HDAC4: variants seen among roughly 807,000 people sequenced by gnomAD.
The protein encoded by HDAC4 is histone deacetylase A.
HDAC4 carries 16 observed loss-of-function variants against 135.1 expected under a neutral mutation model. That is an observed-to-expected ratio of 0.12 (90% CI 0.08 to 0.18). The LOEUF (loss-of-function observed/expected upper bound fraction) is 0.18, where lower values mean the gene tolerates loss of function less well. Among genes scored for constraint, HDAC4 ranks in the 10% least tolerant of loss-of-function variants. HDAC4 has a pLI of 1.00. For synonymous variants in HDAC4, 685 were observed against 653.4 expected (o/e 1.05, Z -0.74); for missense variants, 1,143 against 1,511.8 (o/e 0.76, Z 4.05).
At chr2:239,388,471 C>G (rs907324896) in intron 1 of HDAC4, among the ~76,000 whole-genome samples, 1 of 152,242 alleles carries the variant, frequency 6.6e-6, no homozygotes, top group African/African-American at 2.4e-5. Context: ...CTGCATGGGA[C>G]AGATGAGCCA....
chr2:239,112,559 G>C (rs539719643), intron 13 of HDAC4, among the ~76,000 whole-genome samples: 1 of 152,304 alleles, frequency 6.6e-6, no homozygotes, highest in East Asian at 1.9e-4. Flanking sequence ...TGTGTGTGGG[G>C]GGGGCACTCA....
intron 1 of HDAC4, among the ~76,000 whole-genome samples, chr2:239,381,725 C>T (rs1695430744): frequency 1.3e-5 from 2 of 152,166 alleles, no homozygotes; most frequent in Admixed American, 1.3e-4. Context: ...ATTCATTGTC[C>T]CATGTGCTGT....
At chr2:239,255,681 G>T (rs2049014049) in intron 2 of HDAC4, among the ~76,000 whole-genome samples, 1 of 152,156 alleles carries the variant, frequency 6.6e-6, no homozygotes, top group Non-Finnish European at 1.5e-5. Flanking sequence ...ATGGTCTAGT[G>T]TGAGTAACTC....
intron 3 of HDAC4, among the ~76,000 whole-genome samples, chr2:239,213,988 C>T (rs1310068127): frequency 6.6e-6 from 1 of 152,252 alleles, no homozygotes; most frequent in East Asian, 1.9e-4. Context: ...GAGTGAAAAG[C>T]TGAGTCTGGC....
rs147094687 is a variant in HDAC4, at chr2:239,151,638, G to A, written c.733+5014C>T. Among the ~76,000 whole-genome samples, 691 of 152,336 alleles carry A rather than the reference G, an allele frequency of 4.5e-3. 4 individuals carry two copies. The highest frequency in any genetic ancestry group is 0.034 in the Middle Eastern group (10 of 294). ...TCCATACAGGGGCCAACAGAATTCG[G>A]TCCCTAGGACCAGCCCAGCCTCCTC... is the stretch of plus-strand genomic sequence containing the variant. On this transcript the variant is annotated intron_variant, in intron 7 of 26. Coordinates refer to ENST00000543185, the MANE Select transcript of HDAC4 (RefSeq NM_001378414.1).
At chr2:239,102,980 A>T in intron 15 of HDAC4, 84 bp from the exon 16 acceptor site, 1 of 1,557,878 alleles carries the variant, frequency 6.4e-7, no homozygotes. Context: ...AACTGAAACC[A>T]TTGCCCAAAA....
At position 239,087,069 on chromosome 2, in the gene HDAC4, CT is replaced by C. The variant is rs1454162633; in HGVS notation, c.2444+489del. ...CTCGCCACCCTGCCCAGATCCTCAG[CT>C]GTATGGACCGTCGGCAGTCTCTGAA... On this transcript the variant is annotated intron_variant, in intron 19 of 26. Coordinates refer to ENST00000543185, the MANE Select transcript of HDAC4 (RefSeq NM_001378414.1). Among the ~76,000 whole-genome samples, 3 of 152,312 alleles carry C rather than the reference CT, an allele frequency of 2.0e-5. No homozygotes were observed. In the East Asian group the frequency reaches 5.8e-4, roughly 29 times the overall value.
chr2:239,326,169 T>C (rs997273268), intron 2 of HDAC4, among the ~76,000 whole-genome samples: 8 of 151,914 alleles, frequency 5.3e-5, no homozygotes, highest in Admixed American at 5.2e-4. Flanking sequence ...ATGCACACAA[T>C]GGACTGCTCA....
At chr2:239,335,983 T>G (rs1157348559) in intron 2 of HDAC4, among the ~76,000 whole-genome samples, 2 of 152,192 alleles carry the variant, frequency 1.3e-5, no homozygotes, top group African/African-American at 4.8e-5. Context: ...CACCAAAATG[T>G]CATCAGCAAT....
rs371369219 is a variant in HDAC4 at position 239,053,467 on chromosome 2, C to G, written c.3223G>C (p.Glu1075Gln). Residue 1075 changes from glutamate to glutamine, a missense_variant, in exon 26 of 27, where the codon GAA becomes CAA. Physicochemically the swap from Glu to Gln is conservative, Grantham distance 29. Transcript: ENST00000543185. ...GGCAGGGCAGGTGCTCACCTCTTTT[C>G]GGCGGGCTTCACGCCCACGGACAGC... ...ASLSVGVKPAEKRPDEEPMEE... is the reference protein window; with the variant it reads ...ASLSVGVKPAQKRPDEEPMEE... 1.2e-6 allele frequency: 2 copies of G among 1,612,852 alleles called. No individual in the cohort carries two copies. The highest frequency in any genetic ancestry group is 3.3e-5 in the Admixed American group (2 of 59,980).
intron 17 of HDAC4, among the ~76,000 whole-genome samples, chr2:239,093,238 C>G (rs993174232): frequency 6.6e-6 from 1 of 152,198 alleles, no homozygotes; most frequent in Non-Finnish European, 1.5e-5. Flanking sequence ...GTGAGTTTTC[C>G]GTGTTCCAAG....
In HDAC4 at chr2:239,271,124, G is replaced by GT. The variant is rs914566521; in HGVS notation, c.23-34461dup. Among the ~76,000 whole-genome samples, 6 of 152,078 alleles carry GT rather than the reference G, an allele frequency of 3.9e-5. No homozygotes were observed. The South Asian group carries it at 8.3e-4, about 21-fold the overall frequency. On this transcript the variant is annotated intron_variant, in intron 2 of 26. Transcript: ENST00000543185. Reference sequence around the variant, plus strand: ...GTTGGGGCTTAGTATGTTTTTTGGTGTTTTTTGAGACAGGGTCTTGCTCCG... The same window carrying GT: ...GTTGGGGCTTAGTATGTTTTTTGGTGTTTTTTTGAGACAGGGTCTTGCTCCG...
rs973887429 is a variant in HDAC4 at position 239,049,672 on chromosome 2, T to A, written c.*3425A>T. 3 of 152,434 alleles carry A rather than the reference T, an allele frequency of 2.0e-5. No individual in the cohort carries two copies. The highest frequency in any genetic ancestry group is 6.5e-5 in the Admixed American group (1 of 15,284). 9.4% of individuals were successfully genotyped at this position (152,434 alleles called of 1,614,324 possible). ...TGTCAGACCATTACGAAATGGTCCT[T>A]CCCCTTGCAAACAGATTTTCAAAAG... On this transcript the variant is annotated 3_prime_UTR_variant, in exon 27 of 27. Transcript: ENST00000543185.
At chr2:239,278,414 G>A (rs971605457) in intron 2 of HDAC4, among the ~76,000 whole-genome samples, 1 of 152,166 alleles carries the variant, frequency 6.6e-6, no homozygotes, top group African/African-American at 2.4e-5. Flanking sequence ...AAGGGCTCAC[G>A]CCTATAATCT....
intron 12 of HDAC4, among the ~76,000 whole-genome samples, chr2:239,120,824 G>A (rs1205221795): frequency 6.6e-6 from 1 of 151,894 alleles, no homozygotes; most frequent in Admixed American, 6.6e-5. Context: ...TGGGGTGGAG[G>A]ACAAGGCAGC....
intron 9 of HDAC4, among the ~76,000 whole-genome samples, chr2:239,135,228 T>C (rs2040868232): frequency 6.6e-6 from 1 of 152,038 alleles, no homozygotes; most frequent in South Asian, 2.1e-4. Context: ...ACCCCACAAA[T>C]ATATACATTA....
chr2:239,226,647 C>T (rs947760779), intron 3 of HDAC4, among the ~76,000 whole-genome samples: 2 of 151,774 alleles, frequency 1.3e-5, no homozygotes, highest in Non-Finnish European at 2.9e-5. Context: ...ACAGCAACAA[C>T]AACAATGTAA....
intron 2 of HDAC4, among the ~76,000 whole-genome samples, chr2:239,324,321 A>G (rs1042220568): frequency 7.2e-5 from 11 of 152,218 alleles, no homozygotes; most frequent in African/African-American, 2.4e-4. Flanking sequence ...GTGCGAACTT[A>G]ACATGGAGAA....
rs2030569934 is a variant in HDAC4 at position 239,049,887 on chromosome 2, C to G, written c.*3210G>C. 1 of 152,538 alleles carries G rather than the reference C, an allele frequency of 6.6e-6. No homozygotes were observed. The highest frequency in any genetic ancestry group is 2.1e-4 in the South Asian group (1 of 4,838). The allele number at this position is 152,538 out of a possible 1,614,324, so 9.4% of individuals were successfully genotyped here. On this transcript the variant is annotated 3_prime_UTR_variant, in exon 27 of 27. Transcript: ENST00000543185. ...AGGGCAGGGCAGACGCCAAGAGGCC[C>G]AGTGGCGTCATCAGGGTTTCCCTCA... is the stretch of plus-strand genomic sequence containing the variant.
Sources: allele counts gnomAD v4.1 joint callset (sites outside exome capture counted in the v4.1 genomes callset), GRCh38; gene constraint gnomAD v4.1.1; transcripts MANE v1.5; gene names NCBI Gene and HGNC (gene_info 2026-07-23, HGNC 2026-07-21).